Variants in SPTAN1 observed in about 807,000 individuals in gnomAD.
SPTAN1 encodes the protein spectrin alpha chain, non-erythrocytic 1.
In SPTAN1, 61 loss-of-function variants were observed where a neutral mutation model predicts 331.3. That is an observed-to-expected ratio of 0.18 (90% CI 0.15 to 0.23). The LOEUF (loss-of-function observed/expected upper bound fraction) is 0.23, where lower values mean the gene tolerates loss of function less well. Ranked by LOEUF, SPTAN1 falls within the 10% of genes least tolerant of loss-of-function variation. SPTAN1 has a pLI of 1.00. For missense variants in SPTAN1, 2,043 were observed against 3,147.9 expected (o/e 0.65, Z 8.40); for synonymous variants, 1,153 against 1,173.9 (o/e 0.98, Z 0.36).
At chr9:128,588,163 A>G (rs1193282567) in intron 20 of SPTAN1, among the ~76,000 whole-genome samples, 1 of 150,976 alleles carries the variant, frequency 6.6e-6, no homozygotes, top group Non-Finnish European at 1.5e-5. Flanking sequence ...ACGCCCAGCT[A>G]ATTTTTGTAT....
chr9:128,623,045 C>T (rs1200128492), intron 45 of SPTAN1, among the ~76,000 whole-genome samples: 1 of 151,482 alleles, frequency 6.6e-6, no homozygotes, highest in Non-Finnish European at 1.5e-5. Flanking sequence ...GCTACTGTAC[C>T]CAGCCAATTT....
intron 22 of SPTAN1, 45 bp from the exon 23 acceptor site, chr9:128,592,938 A>G: frequency 1.3e-6 from 2 of 1,568,730 alleles, no homozygotes; most frequent in African/African-American, 2.7e-5. Flanking sequence ...CTGTGGATTA[A>G]CCCCACTAAT....
At chr9:128,628,890 G>A (rs976471374) in intron 51 of SPTAN1, 11 of 367,950 alleles carry the variant, frequency 3.0e-5, no homozygotes, top group African/African-American at 8.4e-5. Context: ...TCTTGTCTCC[G>A]TGAGGTGCCA....
Position 128,627,637 on chromosome 9 carries a change from C to G in SPTAN1, c.6689+139C>G. Reference sequence around the variant, plus strand: ...GGGAATAAAGCTGGGCTGGCAACGCCTGGTCGGGCTCTGGAGCCGGGAGTG... The same window carrying G: ...GGGAATAAAGCTGGGCTGGCAACGCGTGGTCGGGCTCTGGAGCCGGGAGTG... On this transcript the variant is annotated intron_variant, in intron 50 of 56. Transcript: ENST00000372739. This position sits in a 1 kb window ranked among gnomAD's most constrained non-coding sequence, Gnocchi z 4.9. The G allele has an allele frequency of 2.2e-6, 2 of 922,674 alleles. No individual in the cohort carries two copies. Among genetic ancestry groups the G allele is most frequent in the Non-Finnish European group, 3.4e-6 (2 of 581,618 alleles). The allele number at this position is 922,674 out of a possible 1,614,324, so 57.2% of individuals were successfully genotyped here.
chr9:128,616,134 A>G (rs1309345713), intron 41 of SPTAN1, among the ~76,000 whole-genome samples: 3 of 152,148 alleles, frequency 2.0e-5, no homozygotes, highest in Non-Finnish European at 4.4e-5. Context: ...CACTTCTCCA[A>G]GGAAGGAGTT....
At chr9:128,609,381 C>A in intron 36 of SPTAN1, 97 bp downstream of exon 36, 1 of 1,549,866 alleles carries the variant, frequency 6.5e-7, no homozygotes, top group South Asian at 1.1e-5. Flanking sequence ...TCCTTGCACC[C>A]ATGGGAAGTC....
chr9:128,559,390 A>C (rs1482917445), intron 1 of SPTAN1, among the ~76,000 whole-genome samples: 1 of 152,206 alleles, frequency 6.6e-6, no homozygotes, highest in Non-Finnish European at 1.5e-5. Flanking sequence ...TTTTCTTATC[A>C]TAAAGGGCTG....
At chr9:128,568,563 C>G (rs1053995872) in intron 2 of SPTAN1, among the ~76,000 whole-genome samples, 16 of 152,126 alleles carry the variant, frequency 1.1e-4, no homozygotes, top group African/African-American at 3.9e-4. Context: ...CATTGATGGC[C>G]CTCGCTGGCC....
At position 128,624,378 on chromosome 9, in the gene SPTAN1, G is replaced by T. The variant is rs1367701362; in HGVS notation, c.5883G>T (p.Gly1961=). 3.7e-6 allele frequency: 6 copies of T among 1,614,016 alleles called. No individual in the cohort carries two copies. The highest frequency in any genetic ancestry group is 1.1e-5 in the South Asian group (1 of 91,082). ...CTTCAAAGATGAAGGGCCTGAACGG[G>T]AAAGTGTCAGACCTGGAGAAAGCTG... ...NISSKMKGLN[G]KVSDLEKAAA... Residue 1961 remains glycine (G), a synonymous_variant, in exon 46 of 57, where the codon GGG becomes GGT. Transcript: ENST00000372739.
chr9:128,558,826 C>CG (rs1344487503), intron 1 of SPTAN1, among the ~76,000 whole-genome samples: 1 of 152,062 alleles, frequency 6.6e-6, no homozygotes, highest in East Asian at 1.9e-4. Context: ...CTGACAGTTT[C>CG]GGGTGAGAGG....
At chr9:128,620,441 G>A (rs555459234) in intron 44 of SPTAN1, among the ~76,000 whole-genome samples, 1 of 152,332 alleles carries the variant, frequency 6.6e-6, no homozygotes, top group South Asian at 2.1e-4. Flanking sequence ...CTGGGGCCAG[G>A]TGCGGTGGCT....
Position 128,627,858 on chromosome 9 carries a change from C to A in SPTAN1, c.6690-67C>A, listed in dbSNP as rs936066841. On this transcript the variant is annotated intron_variant, in intron 50 of 56. Transcript: ENST00000372739. This position sits in a 1 kb window ranked among gnomAD's most constrained non-coding sequence, Gnocchi z 4.9. ...TTTCTTTCTTGTGTCTTCTCTCTGT[C>A]CCCCCGATTGCTGCTGTTGTCCGGA... 8 of 1,573,522 alleles carry A rather than the reference C, an allele frequency of 5.1e-6. No homozygotes were observed. The highest frequency in any genetic ancestry group is 1.4e-5 in the African/African-American group (1 of 73,980).
Position 128,626,393 on chromosome 9 carries a change from G to T in SPTAN1, c.6282G>T (p.Val2094=). 1.9e-6 allele frequency: 3 copies of T among 1,613,816 alleles called. No homozygotes were observed. The highest frequency in any genetic ancestry group is 2.5e-6 in the Non-Finnish European group (3 of 1,180,032). ...AACTCAGTCTCTTCTGCTTCCAGGT[G>T]GAGGACCTCTTCCTGACCTTCGCCA... The part of the protein sequence containing the change: ...LLEAQSHFRK[V]EDLFLTFAKK... The change falls in exon 49 of 57, where the codon GTG becomes GTT. Residue 2094 remains valine (V), a splice_region_variant and synonymous_variant. Coordinates refer to ENST00000372739, the MANE Select transcript of SPTAN1 (RefSeq NM_001130438.3).
In SPTAN1 at chr9:128,609,250, G is replaced by A; in HGVS notation, c.4724G>A (p.Ser1575Asn). 1 of 1,614,252 alleles carries A rather than the reference G, an allele frequency of 6.2e-7. No homozygotes were observed. The highest frequency in any genetic ancestry group is 8.5e-7 in the Non-Finnish European group (1 of 1,180,046). The change falls in exon 36 of 57, where the codon AGT becomes AAT. Residue 1575 changes from serine (S) to asparagine (N), a missense_variant. Ser to Asn is a conservative substitution (Grantham distance 46). Coordinates refer to ENST00000372739, the MANE Select transcript of SPTAN1 (RefSeq NM_001130438.3). ...AWISEKLQTA[S>N]DESYKDPTNI... ...ATCAGTGAAAAATTGCAAACAGCGA[G>A]TGATGAGTCGTACAAGGATCCCACC...
chr9:128,593,103 T>G, intron 23 of SPTAN1, 61 bp downstream of exon 23: 1 of 1,529,984 alleles, frequency 6.5e-7, no homozygotes. Flanking sequence ...CCATTCTCCC[T>G]CTGCCGCTTC....
At chr9:128,557,931 A>C (rs908578637) in intron 1 of SPTAN1, among the ~76,000 whole-genome samples, 1 of 151,044 alleles carries the variant, frequency 6.6e-6, no homozygotes, top group Non-Finnish European at 1.5e-5. Context: ...AGCCTCCCGA[A>C]TAGCTGGGAC....
intron 20 of SPTAN1, 27 bp from the exon 21 acceptor site, chr9:128,588,782 A>G (rs372826052): frequency 3.1e-6 from 5 of 1,613,410 alleles, no homozygotes; most frequent in Middle Eastern, 1.7e-4. Flanking sequence ...TGTTTTTACC[A>G]TGTTTGCCCT....
intron 3 of SPTAN1, among the ~76,000 whole-genome samples, chr9:128,571,116 C>T (rs377553021): frequency 1.3e-5 from 2 of 151,946 alleles, no homozygotes; most frequent in South Asian, 2.1e-4. Context: ...AGTGAGACCT[C>T]GTCTCTACAA....
At chr9:128,595,359 C>T (rs1010064975) in intron 24 of SPTAN1, among the ~76,000 whole-genome samples, 11 of 152,200 alleles carry the variant, frequency 7.2e-5, no homozygotes, top group Non-Finnish European at 1.3e-4. Context: ...ATCTGCCCAC[C>T]TCAGCTTCCC....
Sources: allele counts gnomAD v4.1 joint callset (sites outside exome capture counted in the v4.1 genomes callset), GRCh38; gene constraint gnomAD v4.1.1; non-coding constraint Gnocchi (gnomAD v3.1); transcripts MANE v1.5; gene names NCBI Gene and HGNC (gene_info 2026-07-23, HGNC 2026-07-21).